SYNE1: variants seen among roughly 807,000 people sequenced by gnomAD.
SYNE1 encodes nesprin-1.
SYNE1 carries 616 observed loss-of-function variants against 1,111.0 expected under a neutral mutation model. The ratio of observed to expected loss-of-function variants is 0.55; its 90% CI spans 0.52 to 0.59. The LOEUF (loss-of-function observed/expected upper bound fraction) is 0.59, where lower values mean the gene tolerates loss of function less well. Ranked by LOEUF, SYNE1 falls within the 20% of genes least tolerant of loss-of-function variation. The pLI, the probability that SYNE1 is intolerant of heterozygous loss-of-function variation, is 0.00. For synonymous variants in SYNE1, 3,855 were observed against 3,825.8 expected (o/e 1.01, Z -0.28); for missense variants, 10,006 against 10,417.0 (o/e 0.96, Z 1.72).
intron 142 of SYNE1, 194 bp downstream of exon 142, chr6:152,134,910 G>A (rs2056694392): frequency 1.6e-6 from 1 of 634,212 alleles, no homozygotes; most frequent in African/African-American, 1.8e-5. Context: ...AAAGCTAGCA[G>A]ATATCATCTT....
intron 139 of SYNE1, among the ~76,000 whole-genome samples, 181 bp downstream of exon 139, chr6:152,141,022 G>A (rs1044943442): frequency 6.8e-6 from 1 of 146,368 alleles, no homozygotes; most frequent in Non-Finnish European, 1.5e-5. Flanking sequence ...GCGACAGAGC[G>A]CCACTCCGCC....
chr6:152,385,477 T>C (rs1211707155), intron 55 of SYNE1, among the ~76,000 whole-genome samples, 197 bp downstream of exon 55: 2 of 152,226 alleles, frequency 1.3e-5, no homozygotes, highest in Non-Finnish European at 2.9e-5. Context: ...GTAAAGACAA[T>C]GTTACATTGT....
chr6:152,502,570 C>A, intron 10 of SYNE1, 63 bp downstream of exon 10: 1 of 1,285,206 alleles, frequency 7.8e-7, no homozygotes, highest in Non-Finnish European at 1.1e-6. Flanking sequence ...GAACAGTATA[C>A]TCAAAAAGCT....
chr6:152,631,388 G>A (rs1024614356), intron 2 of SYNE1, among the ~76,000 whole-genome samples: 11 of 152,310 alleles, frequency 7.2e-5, no homozygotes, highest in African/African-American at 1.9e-4. Context: ...AAAAGAGGGC[G>A]GAGAGTGAGG....
rs567271781 is a variant in SYNE1, at chr6:152,318,261, C to A, written c.16392G>T (p.Val5464=). Reference sequence around the variant, plus strand: ...TACAGCCATCTAATTCCTCTCCCAGCACCTTGATGGTCACCAAAATGAAAG... The same window carrying A: ...TACAGCCATCTAATTCCTCTCCCAGAACCTTGATGGTCACCAAAATGAAAG... The part of the protein sequence containing the change: ...NVVQAKTDQK[V]LGEELDGCNS... The change falls in exon 86 of 146, where the codon GTG becomes GTT. Residue 5464 remains valine, a splice_region_variant and synonymous_variant. Transcript: ENST00000367255. 6.2e-7 allele frequency: 1 copy of A among 1,614,148 alleles called. No individual in the cohort carries two copies. Among genetic ancestry groups the A allele is most frequent in the African/African-American group, 1.3e-5 (1 of 75,036 alleles).
chr6:152,265,789 C>T (rs780346740), intron 100 of SYNE1, among the ~76,000 whole-genome samples: 21 of 152,090 alleles, frequency 1.4e-4, no homozygotes, highest in Admixed American at 7.2e-4. Context: ...CATCAACCCT[C>T]GACAAGTAAC....
At chr6:152,635,118 C>T (rs952667533) in intron 2 of SYNE1, among the ~76,000 whole-genome samples, 6 of 152,218 alleles carry the variant, frequency 3.9e-5, no homozygotes, top group Non-Finnish European at 5.9e-5. Flanking sequence ...AATTCTTGAA[C>T]ATTTTTAAAT....
intron 3 of SYNE1, among the ~76,000 whole-genome samples, chr6:152,621,487 A>G (rs1319590284): frequency 6.6e-6 from 1 of 152,204 alleles, no homozygotes; most frequent in East Asian, 1.9e-4. Context: ...AATTTACATT[A>G]CATGCCATAT....
rs568225609 is a variant in SYNE1, at chr6:152,145,676, T to C, written c.24977-1911A>G. ...TCAGTTATTCTAGACACATAGCTCCTGAGCGCACAGAGGAGCGTGCAGGCT... is the reference window on the plus strand; with the variant it reads ...TCAGTTATTCTAGACACATAGCTCCCGAGCGCACAGAGGAGCGTGCAGGCT... On this transcript the variant is annotated intron_variant, in intron 137 of 145. Coordinates refer to ENST00000367255, the MANE Select transcript of SYNE1 (RefSeq NM_182961.4). 1.2e-3 allele frequency: 1,015 copies of C among 859,372 alleles called. 3 individuals are homozygous for C. Among genetic ancestry groups the C allele is most frequent in the Non-Finnish European group, 1.7e-3 (862 of 515,468 alleles). 53.2% of individuals were successfully genotyped at this position (859,372 alleles called of 1,614,324 possible).
rs765421667 is a variant in SYNE1, at chr6:152,498,730, C to G, written c.939+12G>C. 6.5e-7 allele frequency: 1 copy of G among 1,541,456 alleles called. No individual in the cohort carries two copies. The highest frequency in any genetic ancestry group is 1.2e-5 in the South Asian group (1 of 81,326). On this transcript the variant is annotated intron_variant, in intron 11 of 145. Transcript: ENST00000367255. ...GAAAGAGGTCATCAATGCAAGATTA[C>G]TTAAATCTTACCTTAAAATTTTGTA...
At chr6:152,137,224 AG>A (rs1356591768) in intron 140 of SYNE1, among the ~76,000 whole-genome samples, 3 of 152,154 alleles carry the variant, frequency 2.0e-5, no homozygotes, top group Non-Finnish European at 4.4e-5. Flanking sequence ...TAGGGGGTGC[AG>A]GGGGGAGGAA....
At chr6:152,505,476 C>A in intron 8 of SYNE1, 79 bp from the exon 9 acceptor site, 3 of 1,474,592 alleles carry the variant, frequency 2.0e-6, no homozygotes, top group Non-Finnish European at 9.4e-7. Flanking sequence ...ATGCAAAATC[C>A]AGTGCTTTTC....
intron 105 of SYNE1, among the ~76,000 whole-genome samples, chr6:152,248,702 C>T (rs1054428793): frequency 6.6e-6 from 1 of 152,162 alleles, no homozygotes; most frequent in Non-Finnish European, 1.5e-5. Context: ...TTGCTGTCCT[C>T]TTTACCGTGA....
At chr6:152,493,866 T>C (rs988449007) in intron 11 of SYNE1, among the ~76,000 whole-genome samples, 1 of 152,066 alleles carries the variant, frequency 6.6e-6, no homozygotes, top group Non-Finnish European at 1.5e-5. Context: ...GACTAAACCA[T>C]CATACAAAAG....
At chr6:152,409,024 G>A (rs1237467278) in intron 44 of SYNE1, 44 bp downstream of exon 44, 7 of 1,562,150 alleles carry the variant, frequency 4.5e-6, no homozygotes, top group Admixed American at 1.7e-5. Context: ...ATTGGGGAAT[G>A]TGAATATTTA....
chr6:152,284,064 G>A lies in SYNE1; in HGVS notation c.18121C>T (p.Leu6041=). ...ESCEADPAEQ[L]ALQSTLTVLA... ...ACAGTGAGCGTGGACTGCAAGGCCAGCTGCTCCGCAGGGTCGGCCTCACAA... is the reference window on the plus strand; with the variant it reads ...ACAGTGAGCGTGGACTGCAAGGCCAACTGCTCCGCAGGGTCGGCCTCACAA... Residue 6041 remains leucine (L), a synonymous_variant, in exon 96 of 146, where the codon CTG becomes TTG. Transcript: ENST00000367255. The A allele has an allele frequency of 6.2e-7, 1 of 1,614,214 alleles. No individual in the cohort carries two copies. Among genetic ancestry groups the A allele is most frequent in the Non-Finnish European group, 8.5e-7 (1 of 1,180,026 alleles).
At chr6:152,207,288 G>A (rs1025503886) in intron 125 of SYNE1, among the ~76,000 whole-genome samples, 1 of 152,310 alleles carries the variant, frequency 6.6e-6, no homozygotes, top group African/African-American at 2.4e-5. Flanking sequence ...CAAGGCATCT[G>A]TGATGCACAT....
At chr6:152,239,048 C>A (rs544746762) in intron 108 of SYNE1, among the ~76,000 whole-genome samples, 1 of 151,846 alleles carries the variant, frequency 6.6e-6, no homozygotes, top group African/African-American at 2.4e-5. Context: ...CAGGCACCCA[C>A]GACGACGTCC....
chr6:152,293,434 C>A (rs1361595726), intron 95 of SYNE1, among the ~76,000 whole-genome samples, 154 bp downstream of exon 95: 2 of 152,144 alleles, frequency 1.3e-5, no homozygotes, highest in East Asian at 3.8e-4. Context: ...GAAATGACCA[C>A]CATTAGGACC....
Sources: allele counts gnomAD v4.1 joint callset (sites outside exome capture counted in the v4.1 genomes callset), GRCh38; gene constraint gnomAD v4.1.1; transcripts MANE v1.5; gene names NCBI Gene and HGNC (gene_info 2026-07-23, HGNC 2026-07-21).